DNM3: variants seen among roughly 807,000 people sequenced by gnomAD.
The protein encoded by DNM3 is dynamin-3.
A neutral mutation model predicts 101.6 loss-of-function variants in DNM3; 47 were observed. The ratio of observed to expected loss-of-function variants is 0.46; its 90% CI spans 0.37 to 0.59. The LOEUF is 0.59. Among genes scored for constraint, DNM3 ranks in the 20% least tolerant of loss-of-function variants. DNM3 has a pLI of 0.00. For missense variants in DNM3, 849 were observed against 1,085.7 expected (o/e 0.78, Z 3.06); for synonymous variants, 385 against 387.9 (o/e 0.99, Z 0.09).
At chr1:172,204,453 C>T (rs954132017) in intron 14 of DNM3, among the ~76,000 whole-genome samples, 2 of 151,986 alleles carry the variant, frequency 1.3e-5, no homozygotes, top group African/African-American at 4.8e-5. Context: ...ATTTCTGTTC[C>T]CCTCTTGAGC....
chr1:172,119,591 C>T (rs1285728243), intron 13 of DNM3, among the ~76,000 whole-genome samples: 1 of 152,074 alleles, frequency 6.6e-6, no homozygotes, highest in Admixed American at 6.6e-5. Flanking sequence ...TCTTCTCACC[C>T]AAATGCTCAT....
intron 13 of DNM3, among the ~76,000 whole-genome samples, chr1:172,129,679 C>T (rs370216345): frequency 3.1e-4 from 47 of 152,158 alleles, no homozygotes; most frequent in Admixed American, 4.6e-4. Flanking sequence ...TTTACTATCA[C>T]GAGAACAGTG....
intron 13 of DNM3, chr1:172,093,752 C>T (rs1335812735): frequency 1.3e-6 from 2 of 1,595,308 alleles, no homozygotes; most frequent in Admixed American, 1.8e-5. Flanking sequence ...GTAAGCTTTA[C>T]TGTTGCTTTT....
chr1:172,246,538 G>A (rs1234589291), intron 14 of DNM3, among the ~76,000 whole-genome samples: 1 of 152,156 alleles, frequency 6.6e-6, no homozygotes, highest in Non-Finnish European at 1.5e-5. Flanking sequence ...GAAGCAGAGT[G>A]GCAAATAGGC....
chr1:172,316,830 C>T (rs918322223), intron 16 of DNM3, among the ~76,000 whole-genome samples: 64 of 152,180 alleles, frequency 4.2e-4, no homozygotes, highest in African/African-American at 1.4e-3. Context: ...GACAGATCAA[C>T]GAGACAGAAA....
chr1:172,221,187 A>G (rs1300168208), intron 14 of DNM3, among the ~76,000 whole-genome samples: 1 of 152,154 alleles, frequency 6.6e-6, no homozygotes, highest in Non-Finnish European at 1.5e-5. Flanking sequence ...ATAAAAGTAT[A>G]CATTCACTAA....
chr1:171,861,876 C>A (rs1477143602), intron 1 of DNM3, among the ~76,000 whole-genome samples: 1 of 152,082 alleles, frequency 6.6e-6, no homozygotes, highest in Non-Finnish European at 1.5e-5. Context: ...ACAAAAGGAA[C>A]TCTTATAACA....
intron 4 of DNM3, among the ~76,000 whole-genome samples, chr1:172,021,484 A>G (rs2047851064): frequency 6.6e-6 from 1 of 152,192 alleles, no homozygotes; most frequent in Non-Finnish European, 1.5e-5. Flanking sequence ...CCAAAACAAC[A>G]GCAAAATAAA....
intron 10 of DNM3, among the ~76,000 whole-genome samples, chr1:172,061,533 T>C (rs2051206004): frequency 6.6e-6 from 1 of 151,160 alleles, no homozygotes; most frequent in African/African-American, 2.4e-5. Context: ...AAATGATGAG[T>C]TCGTGTCCTT....
At chr1:172,129,275 C>G (rs2761186) in intron 13 of DNM3, among the ~76,000 whole-genome samples, 1 of 152,066 alleles carries the variant, frequency 6.6e-6, no homozygotes, top group African/African-American at 2.4e-5. Context: ...TGTGCATGCA[C>G]GGGCTTCAAG....
chr1:172,058,262 C>A (rs1014727027), intron 10 of DNM3, among the ~76,000 whole-genome samples: 4 of 151,918 alleles, frequency 2.6e-5, no homozygotes, highest in Admixed American at 2.0e-4. Flanking sequence ...TTTAACACCC[C>A]ACTGTCAACA....
chr1:172,336,077 G>T (rs886587001), intron 17 of DNM3, among the ~76,000 whole-genome samples: 7 of 152,108 alleles, frequency 4.6e-5, no homozygotes, highest in Admixed American at 2.0e-4. Context: ...CAGCCGGGTT[G>T]GGGGTGCTAC....
rs372756678 is a variant in DNM3 at position 171,987,737 on chromosome 1, A to G, written c.317A>G (p.Asp106Gly). 9 of 1,605,400 alleles carry G rather than the reference A, an allele frequency of 5.6e-6. No individual in the cohort carries two copies. The highest frequency in any genetic ancestry group is 1.7e-5 in the Admixed American group (1 of 57,968). Residue 106 changes from aspartate (D) to glycine (G), a missense_variant, in exon 3 of 21, where the codon GAT becomes GGT. Physicochemically the swap from Asp to Gly is moderately conservative, Grantham distance 94. Coordinates refer to ENST00000627582, the MANE Select transcript of DNM3 (RefSeq NM_015569.5). The stretch of plus-strand genomic sequence containing the variant: ...CGCCTTGAGATTGAAGCAGAAACAG[A>G]TCGCGTGACTGGAATGAATAAAGGC... The part of the protein sequence containing the change: ...EVRLEIEAET[D>G]RVTGMNKGIS...
At chr1:172,160,226 G>A (rs1320297408) in intron 14 of DNM3, among the ~76,000 whole-genome samples, 1 of 151,866 alleles carries the variant, frequency 6.6e-6, no homozygotes, top group Non-Finnish European at 1.5e-5. Flanking sequence ...GTACACTTGG[G>A]CTACTCTAAA....
intron 14 of DNM3, among the ~76,000 whole-genome samples, chr1:172,213,384 A>G (rs1382903143): frequency 6.6e-6 from 1 of 152,008 alleles, no homozygotes; most frequent in African/African-American, 2.4e-5. Context: ...AGGTGCTGGT[A>G]ATGTTCTGTT....
chr1:172,226,204 A>G (rs1380934051), intron 14 of DNM3, among the ~76,000 whole-genome samples: 2 of 152,168 alleles, frequency 1.3e-5, no homozygotes, highest in Non-Finnish European at 2.9e-5. Context: ...TATTTATTGT[A>G]AACAAAACCT....
At chr1:172,005,056 C>T (rs1052309293) in intron 4 of DNM3, among the ~76,000 whole-genome samples, 2 of 152,024 alleles carry the variant, frequency 1.3e-5, no homozygotes, top group Non-Finnish European at 2.9e-5. Context: ...AGTACAGCCC[C>T]CAGTGGTTAA....
intron 2 of DNM3, 139 bp from the exon 3 acceptor site, chr1:171,987,517 T>C: frequency 1.1e-6 from 1 of 928,230 alleles, no homozygotes; most frequent in Non-Finnish European, 1.5e-6. Context: ...TGATTCTTAG[T>C]AACTACTGTG....
At chr1:172,024,842 G>T (rs2125767115) in intron 4 of DNM3, among the ~76,000 whole-genome samples, 1 of 152,364 alleles carries the variant, frequency 6.6e-6, no homozygotes, top group African/African-American at 2.4e-5. Flanking sequence ...TACACCACCA[G>T]GGCCTGGGGT....
Sources: allele counts gnomAD v4.1 joint callset (sites outside exome capture counted in the v4.1 genomes callset), GRCh38; gene constraint gnomAD v4.1.1; transcripts MANE v1.5; gene names NCBI Gene and HGNC (gene_info 2026-07-23, HGNC 2026-07-21).